Variants in MSH4 observed in about 807,000 individuals in gnomAD.
The protein encoded by MSH4 is mutS homolog 4, also known as mutS protein homolog 4.
In MSH4, 106 loss-of-function variants were observed where a neutral mutation model predicts 113.7. The ratio of observed to expected loss-of-function variants is 0.93; its 90% CI spans 0.80 to 1.10. The LOEUF (loss-of-function observed/expected upper bound fraction) is 1.10. MSH4 is among the 50% of genes least tolerant of loss of function. MSH4 has a pLI of 0.00. For missense variants in MSH4, 1,061 were observed against 1,093.7 expected, an observed-to-expected ratio of 0.97 and a Z score of 0.42; for synonymous variants, 368 against 380.2, an observed-to-expected ratio of 0.97 and a Z score of 0.37.
At chr1:75,896,343 TACAA>T in intron 17 of MSH4, among the ~76,000 whole-genome samples, 1 of 90,912 alleles carries the variant, frequency 1.1e-5, no homozygotes, top group East Asian at 2.7e-4. Context: ...TTTACACACA[TACAA>T]CACACACACA....
rs541362382 is a variant in MSH4 at position 75,891,014 on chromosome 1, T to C, written c.2355+190T>C. ...AATCATTAGTTTGATAACCATGATATAGATAAGGAAAAGATGAAATCAAGA... is the reference window on the plus strand; with the variant it reads ...AATCATTAGTTTGATAACCATGATACAGATAAGGAAAAGATGAAATCAAGA... On this transcript the variant is annotated intron_variant, in intron 17 of 19. Coordinates refer to ENST00000263187, the MANE Select transcript of MSH4 (RefSeq NM_002440.4). Among the ~76,000 whole-genome samples, 7 of 152,228 alleles carry C rather than the reference T, an allele frequency of 4.6e-5. No individual in the cohort carries two copies. The East Asian group carries it at 9.6e-4, about 21-fold the overall frequency.
chr1:75,834,525 T>C (rs12734931), intron 7 of MSH4, among the ~76,000 whole-genome samples: 70,324 of 152,080 alleles, frequency 0.46, 17,290 homozygotes, highest in East Asian at 0.95. Context: ...GACTTGGAAC[T>C]AACCCAGGTG....
rs114839930 is a variant in MSH4 at position 75,806,997 on chromosome 1, G to T, written c.444G>T (p.Ala148=). 903 of 1,570,192 alleles carry T rather than the reference G, an allele frequency of 5.8e-4. 1 individual carries two copies. Among genetic ancestry groups the T allele is most frequent in the Non-Finnish European group, 7.2e-4 (835 of 1,165,954 alleles). The change falls in exon 3 of 20, where the codon GCG becomes GCT. Residue 148 remains alanine (A), a synonymous_variant. Coordinates refer to ENST00000263187, the MANE Select transcript of MSH4 (RefSeq NM_002440.4). ...AATTTACAGCTTCATCCTCATCTGC[G>T]ATTTCTGCACACTCCCCATCAGTTA... ...QVGYSASSSS[A]ISAHSPSVIV...
At chr1:75,816,176 C>A (rs542619377) in intron 5 of MSH4, among the ~76,000 whole-genome samples, 197 bp from the exon 6 acceptor site, 1 of 152,186 alleles carries the variant, frequency 6.6e-6, no homozygotes, top group African/African-American at 2.4e-5. Flanking sequence ...GAAATTAATA[C>A]TTGAAATTAT....
At chr1:75,809,555 C>T (rs1022834985) in intron 3 of MSH4, among the ~76,000 whole-genome samples, 15 of 151,372 alleles carry the variant, frequency 9.9e-5, no homozygotes, top group Non-Finnish European at 1.6e-4. Context: ...AGATGTTTCT[C>T]ATCTGTGTTT....
intron 4 of MSH4, among the ~76,000 whole-genome samples, chr1:75,814,720 A>G (rs1022535822): frequency 2.0e-5 from 3 of 152,152 alleles, no homozygotes; most frequent in Non-Finnish European, 4.4e-5. Flanking sequence ...AAAGATTACT[A>G]AAAGGCAAAG....
chr1:75,807,202 C>A, intron 3 of MSH4, 61 bp downstream of exon 3: 2 of 1,309,794 alleles, frequency 1.5e-6, no homozygotes, highest in South Asian at 4.3e-5. Flanking sequence ...AGTTTAAAGT[C>A]AGTGCCTTCC....
intron 4 of MSH4, among the ~76,000 whole-genome samples, chr1:75,811,937 G>A (rs1052177297): frequency 1.2e-4 from 19 of 152,240 alleles, no homozygotes; most frequent in African/African-American, 4.6e-4. Flanking sequence ...CTCATTGCCA[G>A]AGATAGTCCC....
chr1:75,881,512 A>C, intron 14 of MSH4, 142 bp downstream of exon 14: 1 of 820,498 alleles, frequency 1.2e-6, no homozygotes. Context: ...AAGACACAAA[A>C]TAAAGAAAGT....
chr1:75,810,785 CTCT>C lies in MSH4; in HGVS notation c.678_680del (p.Leu227del). On this transcript the variant is annotated inframe_deletion, in exon 4 of 20. Transcript: ENST00000263187. The stretch of plus-strand genomic sequence containing the variant: ...GTGGGGAATTCCACCAAGTTGTTCA[CTCT>C]GATCACAGAAAATTTCAAGGTAAGT... The C allele has an allele frequency of 1.3e-6, 2 of 1,576,704 alleles. No homozygotes were observed. Among genetic ancestry groups the C allele is most frequent in the Non-Finnish European group, 1.7e-6 (2 of 1,160,222 alleles).
At chr1:75,904,484 C>A (rs1252502839) in intron 19 of MSH4, among the ~76,000 whole-genome samples, 1 of 151,672 alleles carries the variant, frequency 6.6e-6, no homozygotes, top group Non-Finnish European at 1.5e-5. Flanking sequence ...GCAGTGAAGT[C>A]ATCAGGTACT....
intron 15 of MSH4, among the ~76,000 whole-genome samples, chr1:75,885,057 GTGTA>G (rs1276212878): frequency 2.9e-4 from 33 of 114,516 alleles, no homozygotes; most frequent in East Asian, 1.3e-3. Context: ...GTGTGTGTGT[GTGTA>G]TATATATATA....
chr1:75,797,555 T>A (rs1276773160), intron 1 of MSH4, among the ~76,000 whole-genome samples: 1 of 152,216 alleles, frequency 6.6e-6, no homozygotes, highest in Non-Finnish European at 1.5e-5. Context: ...GGCTGCTGAA[T>A]TTAATTCTCC....
intron 1 of MSH4, among the ~76,000 whole-genome samples, chr1:75,802,560 A>G (rs1649961950): frequency 6.6e-6 from 1 of 152,226 alleles, no homozygotes; most frequent in Admixed American, 6.5e-5. Flanking sequence ...TTTTATGACA[A>G]TCCTGTAAAA....
At chr1:75,860,899 C>CA (rs1651441491) in intron 8 of MSH4, among the ~76,000 whole-genome samples, 1 of 152,176 alleles carries the variant, frequency 6.6e-6, no homozygotes, top group Non-Finnish European at 1.5e-5. Flanking sequence ...TCAGGTACAC[C>CA]AATCAAATGT....
chr1:75,798,152 G>A (rs536617952), intron 1 of MSH4, among the ~76,000 whole-genome samples: 32 of 152,156 alleles, frequency 2.1e-4, no homozygotes, highest in Non-Finnish European at 4.1e-4. Context: ...TTTAGAAACA[G>A]AGTCTCGCTA....
Position 75,803,743 on chromosome 1 carries a change from G to A in MSH4, c.257G>A (p.Gly86Glu). The A allele has an allele frequency of 1.3e-6, 2 of 1,570,706 alleles. No homozygotes were observed. Among genetic ancestry groups the A allele is most frequent in the African/African-American group, 1.4e-5 (1 of 72,492 alleles). ...TTTTCAAATTTAGGTTCATACTTTG[G>A]AAACAAAAGAGCTTATGCAGAAAAC... ...NSRPAQGSYF[G>E]NKRAYAENTV... The change falls in exon 2 of 20, where the codon GGA becomes GAA. Residue 86 changes from glycine to glutamate, a missense_variant. Coordinates refer to ENST00000263187, the MANE Select transcript of MSH4 (RefSeq NM_002440.4).
intron 19 of MSH4, among the ~76,000 whole-genome samples, chr1:75,911,186 G>T: frequency 6.6e-6 from 1 of 150,602 alleles, no homozygotes; most frequent in South Asian, 2.1e-4. Flanking sequence ...AAGCTTATTG[G>T]CTTCTGCTTC....
Position 75,843,258 on chromosome 1 carries a change from G to A in MSH4, c.1163-4951G>A, listed in dbSNP as rs28475708. On this transcript the variant is annotated intron_variant, in intron 7 of 19. Coordinates refer to ENST00000263187, the MANE Select transcript of MSH4 (RefSeq NM_002440.4). ...ACATTCGGGGCCACTACCGGTCTCCGTGCATTGGTCATAGTGGTCCCCTGG... is the reference window on the plus strand; with the variant it reads ...ACATTCGGGGCCACTACCGGTCTCCATGCATTGGTCATAGTGGTCCCCTGG... 2.1e-3 allele frequency among the ~76,000 whole-genome samples: 313 copies of A among 152,216 alleles called. 2 individuals carry two copies. Among genetic ancestry groups the A allele is most frequent in the African/African-American group, 7.1e-3 (294 of 41,530 alleles).
Sources: allele counts gnomAD v4.1 joint callset (sites outside exome capture counted in the v4.1 genomes callset), GRCh38; gene constraint gnomAD v4.1.1; transcripts MANE v1.5; gene names NCBI Gene and HGNC (gene_info 2026-07-23, HGNC 2026-07-21).